The following TDRD12 variants were observed in gnomAD, a reference collection of about 807,000 sequenced individuals.
The protein encoded by TDRD12 is putative ATP-dependent RNA helicase TDRD12.
TDRD12 carries 158 observed loss-of-function variants against 133.5 expected under a neutral mutation model. The observed-to-expected ratio is 1.18, with a 90% CI of 1.04 to 1.35. The LOEUF is 1.35. TDRD12 is among the 40% of genes most tolerant of loss of function. TDRD12 has a pLI of 0.00. For missense variants in TDRD12, 1,443 were observed against 1,321.3 expected (o/e 1.09, Z -1.43); for synonymous variants, 460 against 477.9 (o/e 0.96, Z 0.49).
Position 32,739,560 on chromosome 19 carries a change from TTGCATCTCCTGGCTGCTGTC to T in TDRD12, c.320+601_320+620del, listed in dbSNP as rs1361059295. On this transcript the variant is annotated intron_variant, in intron 3 of 27. Transcript: ENST00000444215. ...CTCTTTGCATCTCCTGGGGCTCTCT[TTGCATCTCCTGGCTGCTGTC>T]TGCATCTCCTGGCTGCTGTCTGCAT... 7.5e-3 allele frequency among the ~76,000 whole-genome samples: 986 copies of T among 132,220 alleles called. 27 individuals are homozygous for T. In the East Asian group the frequency reaches 0.087, roughly 12 times the overall value. 86.7% of individuals were successfully genotyped at this position (132,220 alleles called of 152,430 possible).
intron 6 of TDRD12, among the ~76,000 whole-genome samples, chr19:32,754,182 A>G (rs1014072419): frequency 1.1e-4 from 16 of 152,200 alleles, no homozygotes; most frequent in African/African-American, 3.6e-4. Context: ...AAATACCAAA[A>G]TCAGCCAAAG....
At chr19:32,778,105 G>A (rs891262005) in intron 11 of TDRD12, among the ~76,000 whole-genome samples, 1 of 151,830 alleles carries the variant, frequency 6.6e-6, no homozygotes, top group Non-Finnish European at 1.5e-5. Flanking sequence ...GACAAAGTGT[G>A]AGACAGGTCA....
chr19:32,818,149 G>T (rs771899800), exon 27 of TDRD12: 42 of 702,136 alleles, frequency 6.0e-5, no homozygotes, highest in South Asian at 4.7e-4. Context: ...AGGAGCAGGG[G>T]GGGCAGGGGT....
intron 6 of TDRD12, among the ~76,000 whole-genome samples, chr19:32,754,135 C>T (rs1421247033): frequency 6.6e-6 from 1 of 152,086 alleles, no homozygotes; most frequent in African/African-American, 2.4e-5. Flanking sequence ...GTTCATTTTA[C>T]CTATGACTTT....
exon 8 of TDRD12, chr19:32,826,268 C>T (rs1967586710): frequency 7.6e-6 from 11 of 1,455,358 alleles, no homozygotes; most frequent in Non-Finnish European, 1.0e-5. Context: ...TAAAATGGTT[C>T]CAAAAAGAAG....
chr19:32,821,078 TG>T lies in TDRD12; in HGVS notation c.3430del (p.Glu1144ArgfsTer30). On this transcript the variant is annotated frameshift_variant, in exon 28 of 28. Coordinates refer to ENST00000444215, the Ensembl canonical transcript of TDRD12. LOFTEE classifies it low-confidence loss of function (END_TRUNC). Reference sequence around the variant, plus strand: ...CTGCTTGCCTGCAGAGCCCCCAGCCTGAGGACACGGGTGCAGAAGGAGGGGC... The same window carrying T: ...CTGCTTGCCTGCAGAGCCCCCAGCCTAGGACACGGGTGCAGAAGGAGGGGC... The T allele has an allele frequency of 6.5e-7, 1 of 1,535,848 alleles. No individual in the cohort carries two copies. Among genetic ancestry groups the T allele is most frequent in the South Asian group, 1.2e-5 (1 of 84,048 alleles).
chr19:32,809,379 A>G (rs764881310), intron 22 of TDRD12, among the ~76,000 whole-genome samples: 15 of 151,954 alleles, frequency 9.9e-5, no homozygotes, highest in South Asian at 4.2e-4. Flanking sequence ...TCTCAGGTCT[A>G]TTGCTTCCCT....
chr19:32,752,991 A>T (rs1286635435), intron 6 of TDRD12, among the ~76,000 whole-genome samples: 1 of 151,568 alleles, frequency 6.6e-6, no homozygotes, highest in African/African-American at 2.4e-5. Flanking sequence ...ACGGGGTTTC[A>T]CTGTGCTAGC....
chr19:32,822,301 G>A (rs933854931), downstream of TDRD12, among the ~76,000 whole-genome samples: 9 of 152,038 alleles, frequency 5.9e-5, no homozygotes, highest in African/African-American at 1.4e-4. Context: ...CTGTGGTGGC[G>A]CACGCCTGTA....
intron 3 of TDRD12, among the ~76,000 whole-genome samples, chr19:32,740,677 G>A (rs1481840580): frequency 6.6e-6 from 1 of 152,184 alleles, no homozygotes; most frequent in Non-Finnish European, 1.5e-5. Flanking sequence ...AGGCTTGGCT[G>A]CAAGAAAGAC....
intron 1 of TDRD12, among the ~76,000 whole-genome samples, chr19:32,720,827 C>T: frequency 7.5e-6 from 1 of 132,872 alleles, no homozygotes. Flanking sequence ...CTGAACCCTC[C>T]CTGCGCCCCC....
At chr19:32,798,536 G>T in intron 16 of TDRD12, 101 bp downstream of exon 16, 2 of 964,910 alleles carry the variant, frequency 2.1e-6, no homozygotes, top group Non-Finnish European at 2.8e-6. Context: ...GGAATACATT[G>T]GTTAATCTAA....
intron 26 of TDRD12, among the ~76,000 whole-genome samples, chr19:32,816,251 T>C (rs1171240139): frequency 6.6e-6 from 1 of 152,188 alleles, no homozygotes; most frequent in African/African-American, 2.4e-5. Flanking sequence ...ATGTGTTTCC[T>C]GAACATACCT....
chr19:32,821,006 G>GT, intron 27 of TDRD12, 27 bp from the exon 28 acceptor site: 3 of 1,524,760 alleles, frequency 2.0e-6, no homozygotes, highest in Non-Finnish European at 2.6e-6. Context: ...AGAGAGCCAG[G>GT]TGTTAACCCC....
chr19:32,805,640 G>GT (rs762791613), intron 21 of TDRD12, among the ~76,000 whole-genome samples: 15 of 151,856 alleles, frequency 9.9e-5, no homozygotes, highest in African/African-American at 1.7e-4. Context: ...TTAGGAGCTG[G>GT]TGTATGAGTC....
intron 2 of TDRD12, among the ~76,000 whole-genome samples, chr19:32,734,664 C>T (rs1321107920): frequency 6.6e-6 from 1 of 152,220 alleles, no homozygotes; most frequent in Non-Finnish European, 1.5e-5. Context: ...TGAATCACTG[C>T]GCCTGGCCCT....
chr19:32,801,208 A>G (rs1193090633), intron 18 of TDRD12, among the ~76,000 whole-genome samples: 2 of 152,020 alleles, frequency 1.3e-5, no homozygotes. Flanking sequence ...TCTACGAAAA[A>G]AAAAAAAAAG....
intron 21 of TDRD12, among the ~76,000 whole-genome samples, 180 bp downstream of exon 21, chr19:32,803,322 ATTAAC>A (rs1971455092): frequency 1.3e-5 from 2 of 152,122 alleles, no homozygotes; most frequent in Admixed American, 1.3e-4. Flanking sequence ...GTCAGTGTTG[ATTAAC>A]TTTGCATGAT....
intron 10 of TDRD12, 91 bp downstream of exon 10, chr19:32,773,623 A>G: frequency 9.0e-7 from 1 of 1,105,732 alleles, no homozygotes; most frequent in Non-Finnish European, 1.3e-6. Context: ...GCTTAAGCCC[A>G]GGAGGTCGAG....
Sources: gnomAD v4.1 joint callset for allele counts (sites outside exome capture counted in the v4.1 genomes callset) on GRCh38, gnomAD v4.1.1 for gene constraint, MANE v1.5 for transcripts, NCBI Gene and HGNC (gene_info 2026-07-23, HGNC 2026-07-21) for gene names.